Variants in CLVS1 observed in about 807,000 individuals in gnomAD.
CLVS1 encodes the protein clavesin 1, also known as clavesin-1.
In CLVS1, 10 loss-of-function variants were observed where a neutral mutation model predicts 33.1. The ratio of observed to expected loss-of-function variants is 0.30; its 90% confidence interval spans 0.19 to 0.51. The LOEUF (loss-of-function observed/expected upper bound fraction) is 0.51, where lower values mean the gene tolerates loss of function less well. Ranked by LOEUF, CLVS1 falls within the 20% of genes least tolerant of loss-of-function variation. The pLI is 0.97. For synonymous variants in CLVS1, 163 were observed against 166.1 expected (o/e 0.98, Z 0.14); for missense variants, 343 against 433.4 (o/e 0.79, Z 1.85).
rs147166705 is a variant in CLVS1 at position 61,148,855 on chromosome 8, G to A, written c.-152+16995G>A. Among the ~76,000 whole-genome samples, 592 of 152,306 alleles carry A rather than the reference G, an allele frequency of 3.9e-3. 7 individuals carry two copies. Among genetic ancestry groups the A allele is most frequent in the African/African-American group, 0.013 (560 of 41,556 alleles). ...TGTGTGTGTGCCGACACATGTGTACGTGTGTCGTGATATCTGGGTTCAAAC... is the reference window on the plus strand; with the variant it reads ...TGTGTGTGTGCCGACACATGTGTACATGTGTCGTGATATCTGGGTTCAAAC... On this transcript the variant is annotated intron_variant, in intron 2 of 2. Transcript: ENST00000522621.
chr8:61,337,118 C>G (rs1255626066), intron 2 of CLVS1, among the ~76,000 whole-genome samples: 1 of 152,176 alleles, frequency 6.6e-6, no homozygotes, highest in Non-Finnish European at 1.5e-5. Context: ...ACGTTGACTA[C>G]AAGATCAGGG....
chr8:61,445,228 T>C (rs894621298), intron 3 of CLVS1, among the ~76,000 whole-genome samples: 1 of 152,242 alleles, frequency 6.6e-6, no homozygotes, highest in Non-Finnish European at 1.5e-5. Context: ...TCTGTATTCA[T>C]GAATGATATT....
At chr8:61,134,394 T>C (rs556449666) in intron 2 of CLVS1, among the ~76,000 whole-genome samples, 1 of 152,318 alleles carries the variant, frequency 6.6e-6, no homozygotes, top group African/African-American at 2.4e-5. Context: ...TCACCTGTTT[T>C]TGTTTGGCCA....
At chr8:61,376,177 G>A (rs1563523798) in intron 2 of CLVS1, among the ~76,000 whole-genome samples, 1 of 152,132 alleles carries the variant, frequency 6.6e-6, no homozygotes, top group Non-Finnish European at 1.5e-5. Context: ...CTCTGATTGA[G>A]GCCTCACCTC....
intron 2 of CLVS1, among the ~76,000 whole-genome samples, chr8:61,187,186 A>C (rs1807359400): frequency 6.6e-6 from 1 of 152,086 alleles, no homozygotes; most frequent in African/African-American, 2.4e-5. Context: ...TTTGGGTTTG[A>C]GGTGACATTT....
intron 3 of CLVS1, among the ~76,000 whole-genome samples, chr8:61,380,925 A>T (rs1477180838): frequency 4.6e-5 from 7 of 152,214 alleles, no homozygotes; most frequent in Non-Finnish European, 1.0e-4. Context: ...TGTTTCACTT[A>T]GGAAGAGTTA....
At chr8:61,342,326 C>T (rs1812053459) in intron 2 of CLVS1, among the ~76,000 whole-genome samples, 1 of 152,110 alleles carries the variant, frequency 6.6e-6, no homozygotes, top group Non-Finnish European at 1.5e-5. Context: ...TCAGCAGAGC[C>T]CTGAAAAGGG....
chr8:61,393,639 C>T (rs2129603008), intron 3 of CLVS1, among the ~76,000 whole-genome samples: 1 of 152,268 alleles, frequency 6.6e-6, no homozygotes, highest in Admixed American at 6.5e-5. Flanking sequence ...AGGGATGGGG[C>T]TTCCTGAGAG....
chr8:61,473,091 G>C, intron 5 of CLVS1, among the ~76,000 whole-genome samples: 1 of 151,990 alleles, frequency 6.6e-6, no homozygotes, highest in East Asian at 1.9e-4. Flanking sequence ...CCTAGTCTTG[G>C]GTGGAATTCT....
At chr8:61,283,939 GAAGT>G (rs1242849435), upstream of CLVS1, among the ~76,000 whole-genome samples, 4 of 152,166 alleles carry the variant, frequency 2.6e-5, no homozygotes, top group African/African-American at 4.8e-5. Context: ...CAATAACTTA[GAAGT>G]AAGTTATTCC....
intron 2 of CLVS1, among the ~76,000 whole-genome samples, chr8:61,349,886 G>A (rs761785859): frequency 2.6e-5 from 4 of 152,098 alleles, no homozygotes; most frequent in Non-Finnish European, 4.4e-5. Flanking sequence ...CTACCAGCTT[G>A]TGTCTTTTAA....
chr8:60,983,397 GT>G, the CLVS1 span, among the ~76,000 whole-genome samples: 4 of 152,176 alleles, frequency 2.6e-5, no homozygotes, highest in Non-Finnish European at 5.9e-5. Context: ...GCACTGCATT[GT>G]TTGTTGAGTG....
At chr8:61,033,139 G>GA in the CLVS1 span, among the ~76,000 whole-genome samples, 22 of 109,322 alleles carry the variant, frequency 2.0e-4, 3 homozygotes, top group African/African-American at 6.8e-4. Context: ...AAGAAAGAAA[G>GA]AAAGAAAGAA....
At chr8:61,348,504 T>C (rs571097846) in intron 2 of CLVS1, among the ~76,000 whole-genome samples, 8 of 152,084 alleles carry the variant, frequency 5.3e-5, no homozygotes, top group Admixed American at 1.3e-4. Flanking sequence ...AATAATAACT[T>C]ATCATAACGT....
chr8:61,311,375 A>G (rs1296815679), intron 2 of CLVS1, among the ~76,000 whole-genome samples: 2 of 151,980 alleles, frequency 1.3e-5, no homozygotes. Flanking sequence ...CTCTAATTCC[A>G]CTTCATCCAG....
intron 2 of CLVS1, among the ~76,000 whole-genome samples, chr8:61,301,494 T>A (rs1215456739): frequency 6.6e-6 from 1 of 152,218 alleles, no homozygotes; most frequent in Non-Finnish European, 1.5e-5. Flanking sequence ...TTTCTACTAA[T>A]GCAGTTACAA....
chr8:61,256,570 T>G (rs963999999), intron 2 of CLVS1, among the ~76,000 whole-genome samples: 1 of 151,886 alleles, frequency 6.6e-6, no homozygotes, highest in African/African-American at 2.4e-5. Flanking sequence ...TTTTAAAAAC[T>G]AACCTACTCT....
chr8:61,448,688 C>T (rs1490563024), intron 3 of CLVS1, among the ~76,000 whole-genome samples: 25 of 149,678 alleles, frequency 1.7e-4, no homozygotes, highest in Admixed American at 1.3e-3. Context: ...CCAGCCTGGG[C>T]AACATAGTGA....
rs1029840621 is a variant in CLVS1, at chr8:61,223,524, G to A, written c.-151-76153G>A. ...ATTGGCCCTCACTCTCTTCTGGCTT[G>A]TAGGGTTTCTGTTGAGAGATCCACT... On this transcript the variant is annotated intron_variant, in intron 2 of 2. Coordinates refer to the CLVS1 transcript ENST00000522621. 3.9e-5 allele frequency among the ~76,000 whole-genome samples: 6 copies of A among 152,176 alleles called. No individual in the cohort carries two copies. In the East Asian group the frequency reaches 7.7e-4, roughly 20 times the overall value.
Sources: allele counts gnomAD v4.1 joint callset (sites outside exome capture counted in the v4.1 genomes callset), GRCh38; gene constraint gnomAD v4.1.1; transcripts MANE v1.5; gene names NCBI Gene and HGNC (gene_info 2026-07-23, HGNC 2026-07-21).